SLC2A7: variants seen among roughly 807,000 people sequenced by gnomAD.
The protein encoded by SLC2A7 is solute carrier family 2, facilitated glucose transporter member 7.
Under a neutral mutation model 50.5 loss-of-function variants are expected in SLC2A7, and 50 were observed. The ratio of observed to expected loss-of-function variants is 0.99; its 90% CI spans 0.79 to 1.25. SLC2A7 has a LOEUF of 1.25. SLC2A7 is among the 50% of genes most tolerant of loss of function. The pLI, the probability that SLC2A7 is intolerant of heterozygous loss-of-function variation, is 0.00. For missense variants in SLC2A7, 683 were observed against 679.1 expected (o/e 1.01, Z -0.06); for synonymous variants, 308 against 300.4 (o/e 1.03, Z -0.26).
chr1:8,998,577 A>G (rs893634653), downstream of SLC2A7, among the ~76,000 whole-genome samples: 2 of 152,102 alleles, frequency 1.3e-5, no homozygotes, highest in Non-Finnish European at 2.9e-5. Context: ...ATTCCCCCAA[A>G]TTCAACTTGC....
intron 4 of SLC2A7, 71 bp from the exon 5 acceptor site, chr1:9,018,446 G>A (rs1441564458): frequency 3.8e-5 from 60 of 1,580,612 alleles, no homozygotes; most frequent in Admixed American, 5.3e-5. Context: ...ATTCAATTCC[G>A]TTTCCTAATC....
intron 2 of SLC2A7, among the ~76,000 whole-genome samples, chr1:9,023,572 A>G (rs1299433573): frequency 6.6e-6 from 1 of 151,438 alleles, no homozygotes; most frequent in Non-Finnish European, 1.5e-5. Context: ...GCGGCACTGC[A>G]CTCCAGCCTG....
chr1:9,012,380 A>G, intron 8 of SLC2A7, among the ~76,000 whole-genome samples: 1 of 152,182 alleles, frequency 6.6e-6, no homozygotes, highest in East Asian at 1.9e-4. Context: ...GACTCTGAGG[A>G]TAAAGGATGG....
intron 8 of SLC2A7, among the ~76,000 whole-genome samples, chr1:9,011,746 CTTT>C (rs34758810): frequency 6.4e-5 from 6 of 93,248 alleles, no homozygotes; most frequent in Middle Eastern, 7.0e-3. Context: ...TCTTCTTCTT[CTTT>C]TTTTTTTTTT....
intron 10 of SLC2A7, among the ~76,000 whole-genome samples, chr1:9,006,236 G>A (rs560575493): frequency 3.3e-4 from 50 of 152,252 alleles, no homozygotes; most frequent in Admixed American, 4.6e-4. Flanking sequence ...CTGGGAAGGC[G>A]TCCTGCTCTA....
chr1:9,009,392 A>G (rs1296827336), intron 9 of SLC2A7, among the ~76,000 whole-genome samples: 1 of 152,226 alleles, frequency 6.6e-6, no homozygotes, highest in Non-Finnish European at 1.5e-5. Flanking sequence ...GCAAATTAAA[A>G]TGATGTACTT....
intron 10 of SLC2A7, among the ~76,000 whole-genome samples, chr1:9,006,911 G>C (rs1171657802): frequency 6.6e-6 from 1 of 152,204 alleles, no homozygotes; most frequent in Non-Finnish European, 1.5e-5. Context: ...CAGTCAGCGG[G>C]GATAGAAGGC....
intron 10 of SLC2A7, among the ~76,000 whole-genome samples, chr1:9,005,303 C>T (rs868557826): frequency 1.3e-5 from 2 of 152,124 alleles, no homozygotes; most frequent in Non-Finnish European, 1.5e-5. Context: ...CCTCCTATGG[C>T]GGATCTGGGT....
At chr1:8,997,718 C>T in the SLC2A7 span, among the ~76,000 whole-genome samples, 1 of 152,138 alleles carries the variant, frequency 6.6e-6, no homozygotes, top group Non-Finnish European at 1.5e-5. Flanking sequence ...CTTTCTTATG[C>T]ATTGTACATT....
chr1:8,994,549 C>T, the SLC2A7 span, among the ~76,000 whole-genome samples: 1 of 152,064 alleles, frequency 6.6e-6, no homozygotes, highest in African/African-American at 2.4e-5. Context: ...TACTGAACAC[C>T]CACTGGAAGT....
chr1:9,019,172 TC>T (rs1557652056), intron 4 of SLC2A7, 36 bp downstream of exon 4: 1 of 1,600,674 alleles, frequency 6.2e-7, no homozygotes, highest in Non-Finnish European at 8.5e-7. Context: ...AACAGACCCT[TC>T]CCCCAAGGCT....
rs753910234 is a variant in SLC2A7 at position 9,014,830 on chromosome 1, C to G, written c.754G>C (p.Glu252Gln). ...RLRGHTDMEA[E>Q]LEDMRAEARA... The stretch of plus-strand genomic sequence containing the variant: ...GCCTCCGCACGCATGTCCTCCAGCT[C>G]GGCCTCCATGTCCGTGTGGCCTCTC... The change falls in exon 7 of 12, where the codon GAG becomes CAG. Residue 252 changes from glutamate to glutamine, a missense_variant. Coordinates refer to ENST00000400906, the MANE Select transcript of SLC2A7 (RefSeq NM_207420.3). The G allele has an allele frequency of 6.2e-7, 1 of 1,605,132 alleles. No homozygotes were observed. Among genetic ancestry groups the G allele is most frequent in the African/African-American group, 1.3e-5 (1 of 74,784 alleles).
intron 3 of SLC2A7, among the ~76,000 whole-genome samples, chr1:9,020,417 C>T (rs1351852457): frequency 6.6e-6 from 1 of 152,124 alleles, no homozygotes; most frequent in Non-Finnish European, 1.5e-5. Context: ...GCTGAAAAAC[C>T]ACAAGCCTGA....
chr1:9,026,323 G>A lies in SLC2A7; in HGVS notation c.23C>T (p.Thr8Ile). 2 of 1,607,866 alleles carry A rather than the reference G, an allele frequency of 1.2e-6. No homozygotes were observed. Among genetic ancestry groups the A allele is most frequent in the Middle Eastern group, 1.7e-4 (1 of 6,052 alleles). ...CTCCCTGGATGGAATGGGTGGAGGG[G>A]TTCCCGCCTCTTTGTTCTCCATCCT... The part of the protein sequence containing the change: MENKEAG[T>I]PPPIPSREGR... Residue 8 changes from threonine to isoleucine, a missense_variant, in exon 1 of 12, where the codon ACC (threonine) becomes ATC (isoleucine). Transcript: ENST00000400906.
rs749644272 is a variant in SLC2A7, at chr1:9,019,233, G to A, written c.412C>T (p.Arg138Ter). The A allele has an allele frequency of 3.3e-5, 54 of 1,613,862 alleles. No homozygotes were observed. Among genetic ancestry groups the A allele is most frequent in the Non-Finnish European group, 4.5e-5 (53 of 1,179,940 alleles). The change falls in exon 4 of 12, where the codon CGA (arginine) becomes TGA (stop). Residue 138 changes from arginine (R) to a stop codon, truncating the protein, a stop_gained. Coordinates refer to ENST00000400906, the MANE Select transcript of SLC2A7 (RefSeq NM_207420.3). LOFTEE classifies it high-confidence loss of function. ...CCTGCACAGACTCCCAGCACCACTCGGGAAAAGACGATCAGCTCAAAAGCC... is the reference window on the plus strand; with the variant it reads ...CCTGCACAGACTCCCAGCACCACTCAGGAAAAGACGATCAGCTCAAAAGCC... ...AKAFELIVFS[R>*]VVLGVCAGIS...
At chr1:8,998,675 G>A (rs9651157), downstream of SLC2A7, among the ~76,000 whole-genome samples, 36,922 of 151,650 alleles carry the variant, frequency 0.24, 5,305 homozygotes, top group African/African-American at 0.4. Context: ...ATCCTCCACC[G>A]CCTCCCCACC....
Position 9,003,460 on chromosome 1 carries a change from A to T in SLC2A7, c.1379T>A (p.Ile460Asn). The change falls in exon 12 of 12, where the codon ATT becomes AAT. Residue 460 changes from isoleucine to asparagine, a missense_variant. Ile to Asn is a moderately radical substitution (Grantham distance 149). Transcript: ENST00000400906. The part of the protein sequence containing the change: ...IFAGICLLTA[I>N]YIYVVIPETK... ...CTCCGGAATAACCACGTAGATGTAAATCGCAGTGAGGAGGCAGATTCCGGC... is the reference window on the plus strand; with the variant it reads ...CTCCGGAATAACCACGTAGATGTAATTCGCAGTGAGGAGGCAGATTCCGGC... 1 of 1,614,230 alleles carries T rather than the reference A, an allele frequency of 6.2e-7. No homozygotes were observed. Among genetic ancestry groups the T allele is most frequent in the Non-Finnish European group, 8.5e-7 (1 of 1,180,030 alleles).
rs548747434 is a variant in SLC2A7 at position 9,007,850 on chromosome 1, C to T, written c.1117-465G>A. On this transcript the variant is annotated intron_variant, in intron 9 of 11. Transcript: ENST00000400906. ...GCCTCCCGGGTTCAAGATTCCCCTG[C>T]CTCCGCCTCCTGTAGCTGGGACTAG... Among the ~76,000 whole-genome samples, 7 of 152,050 alleles carry T rather than the reference C, an allele frequency of 4.6e-5. No individual in the cohort carries two copies. In the South Asian group the frequency reaches 1.5e-3, roughly 32 times the overall value.
At chr1:9,000,310 G>A (rs1640557072), downstream of SLC2A7, among the ~76,000 whole-genome samples, 1 of 151,956 alleles carries the variant, frequency 6.6e-6, no homozygotes, top group Non-Finnish European at 1.5e-5. Flanking sequence ...AACAGAGCGA[G>A]ACCCTGTCTC....
Sources: allele counts gnomAD v4.1 joint callset (sites outside exome capture counted in the v4.1 genomes callset), GRCh38; gene constraint gnomAD v4.1.1; transcripts MANE v1.5; gene names NCBI Gene and HGNC (gene_info 2026-07-23, HGNC 2026-07-21).